Variants in PWWP2A observed in about 807,000 individuals in gnomAD.
PWWP2A encodes the protein PWWP domain-containing protein 2A.
A neutral mutation model predicts 48.5 loss-of-function variants in PWWP2A; 18 were observed. The observed-to-expected ratio is 0.37, with a 90% CI of 0.26 to 0.55. The LOEUF is 0.55. PWWP2A is among the 20% of genes least tolerant of loss of function. PWWP2A has a pLI of 0.81. For synonymous variants in PWWP2A, 396 were observed against 387.7 expected (o/e 1.02, Z -0.25); for missense variants, 867 against 976.4 (o/e 0.89, Z 1.49).
chr5:160,056,339 C>A, the PWWP2A span, among the ~76,000 whole-genome samples: 7 of 152,278 alleles, frequency 4.6e-5, no homozygotes, highest in East Asian at 1.4e-3. Flanking sequence ...TGTCCTGATT[C>A]TTAAAGTCAC....
In PWWP2A at chr5:160,093,433, T is replaced by C; in HGVS notation, c.1217A>G (p.Asn406Ser). ...GRVVKVSAQA[N>S]TSKAQLSTKK... ...AGTACTTAACTGAGCTTTTGATGTA[T>C]TTGCCTGAGCAGAAACTTTTACTAC... Residue 406 changes from asparagine to serine, a missense_variant, in exon 2 of 2, where the codon AAT (asparagine) becomes AGT (serine). Coordinates refer to ENST00000307063, the MANE Select transcript of PWWP2A (RefSeq NM_001130864.2). This position sits in a 1 kb window ranked among gnomAD's most constrained non-coding sequence, Gnocchi z 5.8. 1.2e-6 allele frequency: 2 copies of C among 1,613,628 alleles called. No homozygotes were observed. The highest frequency in any genetic ancestry group is 4.5e-5 in the East Asian group (2 of 44,896).
At chr5:160,082,443 CAA>C (rs35974527) in intron 2 of PWWP2A, among the ~76,000 whole-genome samples, 192 of 134,706 alleles carry the variant, frequency 1.4e-3, no homozygotes, top group Middle Eastern at 7.8e-3. Flanking sequence ...GACTCCGTCT[CAA>C]AAAAAAAAAA....
At chr5:160,089,804 A>C (rs1362190819), downstream of PWWP2A, 1 of 985,298 alleles carries the variant, frequency 1.0e-6, no homozygotes. Flanking sequence ...AGGGGAAAAA[A>C]TACCCACTTC....
chr5:160,060,932 C>T (rs1176138179), downstream of PWWP2A, among the ~76,000 whole-genome samples: 1 of 152,232 alleles, frequency 6.6e-6, no homozygotes, highest in Non-Finnish European at 1.5e-5. Flanking sequence ...TAAATGGGCT[C>T]TTTCCCACAA....
At chr5:160,118,361 T>TCCCG (rs1758343412) in intron 1 of PWWP2A, among the ~76,000 whole-genome samples, 1 of 152,022 alleles carries the variant, frequency 6.6e-6, no homozygotes, top group Non-Finnish European at 1.5e-5. Flanking sequence ...CTTTCTCCAA[T>TCCCG]CCCGCTAAAG....
intron 2 of PWWP2A, chr5:160,080,815 T>G (rs1170501141): frequency 6.8e-7 from 1 of 1,465,054 alleles, no homozygotes; most frequent in Admixed American, 2.5e-5. Context: ...GCATTCGAGT[T>G]TTTTAATCCA....
rs1199731542 is a variant in PWWP2A at position 160,093,473 on chromosome 5, G to A, written c.1177C>T (p.His393Tyr). 6.2e-7 allele frequency: 1 copy of A among 1,613,824 alleles called. No individual in the cohort carries two copies. Among genetic ancestry groups the A allele is most frequent in the Non-Finnish European group, 8.5e-7 (1 of 1,179,862 alleles). The change falls in exon 2 of 2, where the codon CAC becomes TAC. Residue 393 changes from histidine to tyrosine, a missense_variant. By Grantham distance (83) the His-to-Tyr change is moderately conservative (BLOSUM62 2). Coordinates refer to ENST00000307063, the MANE Select transcript of PWWP2A (RefSeq NM_001130864.2). This position sits in a 1 kb window ranked among gnomAD's most constrained non-coding sequence, Gnocchi z 5.8. ...ACTTTTACTACTCTGCCTCTGCTGT[G>A]AGCAATATTTGAAACCTTAACCACA... ...NAVVKVSNIA[H>Y]SRGRVVKVSA... is the part of the protein sequence containing the mutation.
At chr5:160,115,229 T>C (rs1413524659) in intron 1 of PWWP2A, among the ~76,000 whole-genome samples, 2 of 150,378 alleles carry the variant, frequency 1.3e-5, no homozygotes, top group African/African-American at 2.5e-5. Context: ...GCAGTCATCA[T>C]GTCTGTGCTC....
chr5:160,118,658 TCGGAG>T, intron 1 of PWWP2A, 142 bp downstream of exon 1: 1 of 782,896 alleles, frequency 1.3e-6, no homozygotes, highest in Non-Finnish European at 1.8e-6. Flanking sequence ...CCTGCCCCAC[TCGGAG>T]CGCGCGCCAC....
At position 160,083,633 on chromosome 5, in the gene PWWP2A, T is replaced by C. The variant is rs1231214391; in HGVS notation, c.1550-2863A>G. 7.9e-5 allele frequency among the ~76,000 whole-genome samples: 12 copies of C among 152,300 alleles called. No homozygotes were observed. The South Asian group carries it at 2.1e-3, about 26-fold the overall frequency. ...TTCTCCTAATAGGACCTCCACTGCATTGGGCCCTACCAGCTCAGATACTTA... is the reference window on the plus strand; with the variant it reads ...TTCTCCTAATAGGACCTCCACTGCACTGGGCCCTACCAGCTCAGATACTTA... On this transcript the variant is annotated intron_variant, in intron 2 of 3. Coordinates refer to the PWWP2A transcript ENST00000456329.
intron 4 of PWWP2A, chr5:160,065,485 C>T (rs1426768643): frequency 4.5e-6 from 2 of 446,060 alleles, no homozygotes; most frequent in Admixed American, 2.4e-5. Context: ...ACACAGCTAA[C>T]GAGGCTGCCT....
In PWWP2A at chr5:160,068,231, A is replaced by G. The variant is rs1003425413; in HGVS notation, c.*80-1360T>C. 3.3e-5 allele frequency among the ~76,000 whole-genome samples: 5 copies of G among 152,236 alleles called. No homozygotes were observed. In the East Asian group the frequency reaches 5.8e-4, roughly 18 times the overall value. ...CCCCCTAACCCACCACCAAAAAAGC[A>G]TACCAGAATTTACTTTTAAGGTAAT... is the stretch of plus-strand genomic sequence containing the variant. On this transcript the variant is annotated intron_variant and NMD_transcript_variant, in intron 2 of 5. Transcript: ENST00000524050.
At chr5:160,088,756 T>C (rs9790876), downstream of PWWP2A, among the ~76,000 whole-genome samples, 1 of 152,172 alleles carries the variant, frequency 6.6e-6, no homozygotes, top group African/African-American at 2.4e-5. Context: ...TAAGTACTAA[T>C]AAAAGTGAAA....
chr5:160,080,636 T>G (rs774489363), intron 3 of PWWP2A: 2 of 1,527,950 alleles, frequency 1.3e-6, no homozygotes, highest in Non-Finnish European at 1.8e-6. Flanking sequence ...GTGGCAGGGC[T>G]TAAAACAGAC....
In PWWP2A at chr5:160,105,587, A is replaced by C. The variant is rs747641516; in HGVS notation, c.585-11522T>G. ...AAAAAAGAACAAAAATGGAAAAAAG[A>C]AAGCAAGCATGCCAGAAGGGGACTA... On this transcript the variant is annotated intron_variant, in intron 1 of 1. Transcript: ENST00000307063. 3.6e-4 allele frequency: 194 copies of C among 546,350 alleles called. No individual in the cohort carries two copies. In the Middle Eastern group the frequency reaches 5.6e-3, roughly 16 times the overall value. 33.8% of individuals were successfully genotyped at this position (546,350 alleles called of 1,614,324 possible). A position where few individuals can be genotyped will look rare whatever the true frequency, so the allele number is the denominator to read the frequency against.
intron 1 of PWWP2A, among the ~76,000 whole-genome samples, chr5:160,117,209 C>G (rs1241349960): frequency 6.6e-6 from 1 of 152,228 alleles, no homozygotes; most frequent in Admixed American, 6.5e-5. Context: ...CCTGTAATTT[C>G]AGCACTTTGG....
At chr5:160,069,749 C>G (rs1037364287) in intron 2 of PWWP2A, among the ~76,000 whole-genome samples, 1 of 152,212 alleles carries the variant, frequency 6.6e-6, no homozygotes, top group South Asian at 2.1e-4. Flanking sequence ...AAGAAGGTCA[C>G]TCTAAGCCAG....
downstream of PWWP2A, among the ~76,000 whole-genome samples, chr5:160,072,403 G>A (rs1395184134): frequency 2.6e-5 from 4 of 152,188 alleles, no homozygotes; most frequent in South Asian, 2.1e-4. Context: ...TAACGTTAGC[G>A]CATGAGAATG....
intron 2 of PWWP2A, among the ~76,000 whole-genome samples, chr5:160,084,253 A>G (rs80182754): frequency 0.06 from 9,174 of 152,132 alleles, 305 homozygotes; most frequent in East Asian, 0.1. Context: ...TTCACATGTG[A>G]TGATATTGGG....
Sources: allele counts gnomAD v4.1 joint callset (sites outside exome capture counted in the v4.1 genomes callset), GRCh38; gene constraint gnomAD v4.1.1; non-coding constraint Gnocchi (gnomAD v3.1); transcripts MANE v1.5; gene names NCBI Gene and HGNC (gene_info 2026-07-23, HGNC 2026-07-21).